AFTPH: variants seen among roughly 807,000 people sequenced by gnomAD.
The protein encoded by AFTPH is aftiphilin, also known as aftiphilin protein.
AFTPH carries 7 observed loss-of-function variants against 72.5 expected under a neutral mutation model. That is an observed-to-expected ratio of 0.10 (90% confidence interval 0.05 to 0.18). The LOEUF is 0.18. Ranked by LOEUF, AFTPH falls within the 10% of genes least tolerant of loss-of-function variation. The pLI, the probability that AFTPH is intolerant of heterozygous loss-of-function variation, is 1.00. For missense variants in AFTPH, 979 were observed against 1,060.5 expected, an observed-to-expected ratio of 0.92 and a Z score of 1.07; for synonymous variants, 337 against 370.1, an observed-to-expected ratio of 0.91 and a Z score of 1.03.
intron 1 of AFTPH, among the ~76,000 whole-genome samples, chr2:64,536,820 G>C (rs1669917010): frequency 1.3e-5 from 2 of 151,624 alleles, no homozygotes; most frequent in African/African-American, 4.8e-5. Flanking sequence ...GGGCATGGTG[G>C]TGTACACCTG....
At chr2:64,545,673 A>AAAAAAATT (rs1239831709) in intron 1 of AFTPH, among the ~76,000 whole-genome samples, 1 of 143,416 alleles carries the variant, frequency 7.0e-6, no homozygotes, top group Non-Finnish European at 1.5e-5. Flanking sequence ...ACACTGAGTG[A>AAAAAAATT]AAAAAATTCA....
intron 7 of AFTPH, chr2:64,580,942 G>A (rs1366588881): frequency 3.7e-6 from 1 of 271,912 alleles, no homozygotes; most frequent in Admixed American, 5.3e-5. Flanking sequence ...ACCTTACTAA[G>A]TGTTACATTC....
exon 2 of AFTPH, chr2:64,552,634 G>A (rs201990175): frequency 2.1e-4 from 347 of 1,614,062 alleles, no homozygotes; most frequent in East Asian, 2.2e-5. Context: ...AAAGAAGAAA[G>A]TAGAAAGTTT....
In AFTPH at chr2:64,537,959, A is replaced by C. The variant is rs78160241; in HGVS notation, c.-33+13347A>C. Reference sequence around the variant, plus strand: ...ATTGGATTTGGAGGAATTGGATGAGATGGAAAGAATACTTTTTTATACTTT... The same window carrying C: ...ATTGGATTTGGAGGAATTGGATGAGCTGGAAAGAATACTTTTTTATACTTT... On this transcript the variant is annotated intron_variant, in intron 1 of 8. Transcript: ENST00000238856. 5.3e-5 allele frequency among the ~76,000 whole-genome samples: 8 copies of C among 152,294 alleles called. No individual in the cohort carries two copies. The South Asian group carries it at 1.5e-3, about 28-fold the overall frequency.
chr2:64,551,678 T>C (rs1460679805), exon 2 of AFTPH: 7 of 1,614,022 alleles, frequency 4.3e-6, no homozygotes, highest in Non-Finnish European at 4.2e-6. Flanking sequence ...TTATGCCAAT[T>C]CATGAATTCT....
intron 2 of AFTPH, among the ~76,000 whole-genome samples, chr2:64,564,058 TAAG>T (rs1397292083): frequency 6.6e-6 from 1 of 152,232 alleles, no homozygotes; most frequent in Non-Finnish European, 1.5e-5. Context: ...TTCATTTATA[TAAG>T]AGACTCTTAA....
At chr2:64,532,169 T>A (rs1669664792) in intron 1 of AFTPH, among the ~76,000 whole-genome samples, 1 of 152,110 alleles carries the variant, frequency 6.6e-6, no homozygotes, top group African/African-American at 2.4e-5. Flanking sequence ...TGTGTGGGAA[T>A]GTCTTAGGCA....
chr2:64,568,055 T>A (rs1028303369), intron 3 of AFTPH, among the ~76,000 whole-genome samples: 1 of 151,804 alleles, frequency 6.6e-6, no homozygotes, highest in Admixed American at 6.6e-5. Flanking sequence ...AAAAAAAAAA[T>A]TAAGGCTCAA....
At chr2:64,567,858 T>G (rs763312409) in intron 3 of AFTPH, 145 bp downstream of exon 3, 44 of 785,244 alleles carry the variant, frequency 5.6e-5, no homozygotes, top group Non-Finnish European at 7.8e-5. Context: ...CTAGCCAACA[T>G]GGTGAAACCC....
intron 8 of AFTPH, 123 bp from the exon 10 acceptor site, chr2:64,591,765 C>T: frequency 9.9e-7 from 1 of 1,011,006 alleles, no homozygotes; most frequent in Non-Finnish European, 1.5e-6. Flanking sequence ...CAGGAACTAG[C>T]AGAGGAAAAA....
chr2:64,534,582 G>A lies in AFTPH; in HGVS notation c.-33+9970G>A, dbSNP rs144170472. Among the ~76,000 whole-genome samples, 155 of 152,176 alleles carry A rather than the reference G, an allele frequency of 1.0e-3. 1 individual carries two copies. Among genetic ancestry groups the A allele is most frequent in the African/African-American group, 3.5e-3 (145 of 41,530 alleles). ...TTTCATAAGTTTACACAAAGCACAG[G>A]GCAAGTGTTACACGTAACTAAAAAG... On this transcript the variant is annotated intron_variant, in intron 1 of 8. Coordinates refer to ENST00000238856, the Ensembl canonical transcript of AFTPH.
At chr2:64,533,477 A>G (rs1365073580) in intron 1 of AFTPH, among the ~76,000 whole-genome samples, 1 of 152,230 alleles carries the variant, frequency 6.6e-6, no homozygotes, top group Non-Finnish European at 1.5e-5. Flanking sequence ...AAAGGCATTT[A>G]AAACCCCATT....
Position 64,552,992 on chromosome 2 carries a change from T to TTATCAGATAAA in AFTPH, c.1519_1520insATCAGATAAAT (p.Leu507TyrfsTer68). ...CAGACCTAAAACAGACTTCTGATAA[T>TTATCAGATAAA]TTATCAGAAGAATGTCAATTGGCAA... On this transcript the variant is annotated frameshift_variant, in exon 2 of 9. Transcript: ENST00000238856. LOFTEE classifies it high-confidence loss of function. 1 of 1,614,066 alleles carries TTATCAGATAAA rather than the reference T, an allele frequency of 6.2e-7. No individual in the cohort carries two copies. Among genetic ancestry groups the TTATCAGATAAA allele is most frequent in the Middle Eastern group, 1.6e-4 (1 of 6,062 alleles).
At chr2:64,545,956 G>T (rs147579755) in intron 1 of AFTPH, among the ~76,000 whole-genome samples, 2 of 151,910 alleles carry the variant, frequency 1.3e-5, no homozygotes, top group Admixed American at 6.6e-5. Context: ...GCAGTGGCAC[G>T]ATCTCGTCTC....
chr2:64,534,102 C>CT (rs1558591201), intron 1 of AFTPH, among the ~76,000 whole-genome samples: 1 of 151,052 alleles, frequency 6.6e-6, no homozygotes, highest in Non-Finnish European at 1.5e-5. Flanking sequence ...TTGGTGATTG[C>CT]TTAAGTTTTG....
At chr2:64,589,033 G>A (rs1020423185) in intron 8 of AFTPH, among the ~76,000 whole-genome samples, 1 of 152,120 alleles carries the variant, frequency 6.6e-6, no homozygotes, top group African/African-American at 2.4e-5. Context: ...TATCTTGATA[G>A]TATTCTTTGA....
At position 64,573,010 on chromosome 2, in the gene AFTPH, TCGGTCAGACAG is replaced by T; in HGVS notation, c.2338_2348del (p.Gly780HisfsTer12). Reference sequence around the variant, plus strand: ...TCTGCTGCAGAAAAAATAGCTTCCATCGGTCAGACAGCCACCATGTCACCAGATATGAACAC... The same window carrying T: ...TCTGCTGCAGAAAAAATAGCTTCCATCCACCATGTCACCAGATATGAACAC... On this transcript the variant is annotated frameshift_variant, in exon 6 of 9. Transcript: ENST00000238856. LOFTEE classifies it high-confidence loss of function. The T allele has an allele frequency of 6.2e-7, 1 of 1,614,100 alleles. No homozygotes were observed. The highest frequency in any genetic ancestry group is 8.5e-7 in the Non-Finnish European group (1 of 1,179,992).
At chr2:64,535,302 T>C (rs1172188950) in intron 1 of AFTPH, among the ~76,000 whole-genome samples, 1 of 151,802 alleles carries the variant, frequency 6.6e-6, no homozygotes. Flanking sequence ...CTTCGAAACT[T>C]TTAAAAAAGA....
intron 5 of AFTPH, among the ~76,000 whole-genome samples, chr2:64,572,374 T>C (rs770023991): frequency 7.9e-5 from 12 of 152,186 alleles, no homozygotes; most frequent in Non-Finnish European, 1.5e-4. Flanking sequence ...AAATATTAAG[T>C]TTACACTGAA....
Sources: allele counts gnomAD v4.1 joint callset (sites outside exome capture counted in the v4.1 genomes callset), GRCh38; gene constraint gnomAD v4.1.1; transcripts MANE v1.5; gene names NCBI Gene and HGNC (gene_info 2026-07-23, HGNC 2026-07-21).